AFF3: variants seen among roughly 807,000 people sequenced by gnomAD.
AFF3 encodes the protein AF4/FMR2 family member 3.
Under a neutral mutation model 129.7 loss-of-function variants are expected in AFF3, and 32 were observed. The observed-to-expected ratio is 0.25, with a 90% CI of 0.19 to 0.33. The LOEUF (loss-of-function observed/expected upper bound fraction) is 0.33, where lower values mean the gene tolerates loss of function less well. Ranked by LOEUF, AFF3 falls within the 10% of genes least tolerant of loss-of-function variation. The pLI, the probability that AFF3 is intolerant of heterozygous loss-of-function variation, is 1.00. For missense variants in AFF3, 1,373 were observed against 1,592.0 expected, an observed-to-expected ratio of 0.86 and a Z score of 2.34; for synonymous variants, 644 against 635.4, an observed-to-expected ratio of 1.01 and a Z score of -0.20.
intron 9 of AFF3, among the ~76,000 whole-genome samples, chr2:99,749,169 A>G (rs1270551996): frequency 6.6e-6 from 1 of 152,228 alleles, no homozygotes; most frequent in Non-Finnish European, 1.5e-5. Flanking sequence ...AATGGTAACT[A>G]TGTGATATAT....
intron 8 of AFF3, among the ~76,000 whole-genome samples, chr2:99,813,470 T>A (rs1017680026): frequency 8.5e-5 from 13 of 152,236 alleles, no homozygotes; most frequent in African/African-American, 3.1e-4. Flanking sequence ...TTCAGGCTGA[T>A]CCTACTGAAG....
intron 16 of AFF3, among the ~76,000 whole-genome samples, chr2:99,584,405 G>A (rs1406202906): frequency 6.6e-6 from 1 of 152,216 alleles, no homozygotes; most frequent in African/African-American, 2.4e-5. Flanking sequence ...AGAGGTGGAC[G>A]TTGCAGTGAG....
chr2:99,895,738 T>C (rs1693886938), intron 7 of AFF3, among the ~76,000 whole-genome samples: 1 of 151,864 alleles, frequency 6.6e-6, no homozygotes, highest in Admixed American at 6.6e-5. Flanking sequence ...GAATAAACCA[T>C]ATTTGCACAT....
At chr2:99,656,851 C>T (rs1248336441) in intron 12 of AFF3, among the ~76,000 whole-genome samples, 1 of 152,056 alleles carries the variant, frequency 6.6e-6, no homozygotes, top group Non-Finnish European at 1.5e-5. Flanking sequence ...ATAAATGCTG[C>T]CTAGGAAGCA....
intron 7 of AFF3, among the ~76,000 whole-genome samples, chr2:99,918,071 A>T (rs1695597863): frequency 6.6e-6 from 1 of 152,158 alleles, no homozygotes; most frequent in Non-Finnish European, 1.5e-5. Flanking sequence ...GTAGTTTTCT[A>T]AGTGGAATAA....
At chr2:99,731,713 T>C (rs533198252) in intron 10 of AFF3, among the ~76,000 whole-genome samples, 1 of 152,332 alleles carries the variant, frequency 6.6e-6, no homozygotes, top group South Asian at 2.1e-4. Context: ...ATATAAATAT[T>C]AGTCACTAAA....
intron 7 of AFF3, among the ~76,000 whole-genome samples, chr2:99,849,392 C>G (rs760430536): frequency 6.6e-6 from 1 of 152,118 alleles, no homozygotes; most frequent in Non-Finnish European, 1.5e-5. Context: ...GTTGCTGGGT[C>G]CTCAAAATCA....
At chr2:99,647,305 A>G (rs975119368) in intron 13 of AFF3, among the ~76,000 whole-genome samples, 4 of 152,254 alleles carry the variant, frequency 2.6e-5, no homozygotes, top group African/African-American at 9.6e-5. Context: ...ATATGCCATG[A>G]AATACTATAC....
chr2:99,563,392 G>A (rs1439075452), intron 20 of AFF3, among the ~76,000 whole-genome samples: 1 of 151,416 alleles, frequency 6.6e-6, no homozygotes, highest in Admixed American at 6.6e-5. Context: ...GGGTTTCATC[G>A]TATTAGCCAG....
In AFF3 at chr2:99,546,060, G is replaced by C. The variant is rs1454980552; in HGVS notation, c.*5414C>G. 1 of 226,530 alleles carries C rather than the reference G, an allele frequency of 4.4e-6. No individual in the cohort carries two copies. The highest frequency in any genetic ancestry group is 2.2e-5 in the African/African-American group (1 of 44,944). The allele number at this position is 226,530 out of a possible 1,614,324, so 14.0% of individuals were successfully genotyped here. A position where few individuals can be genotyped will look rare whatever the true frequency, so the allele number is the denominator to read the frequency against. On this transcript the variant is annotated 3_prime_UTR_variant, in exon 25 of 25. Coordinates refer to ENST00000672756, the MANE Select transcript of AFF3 (RefSeq NM_001386135.1). The stretch of plus-strand genomic sequence containing the variant: ...TGGGAAAATGAGGACATAAACTCTG[G>C]TTCCAAATGGTTGGAAGTGCAGTTT...
chr2:99,563,673 G>A (rs1316741250), intron 20 of AFF3, among the ~76,000 whole-genome samples: 2 of 151,500 alleles, frequency 1.3e-5, no homozygotes, highest in Non-Finnish European at 2.9e-5. Flanking sequence ...AGCTGGATGT[G>A]GTGGTGCATG....
At chr2:99,922,313 G>C (rs561420688) in intron 7 of AFF3, among the ~76,000 whole-genome samples, 1 of 152,152 alleles carries the variant, frequency 6.6e-6, no homozygotes, top group South Asian at 2.1e-4. Flanking sequence ...CCCCAAACTA[G>C]AAATAGCCTG....
rs59646108 is a variant in AFF3 at position 99,655,213 on chromosome 2, TACACACACACACAC to T, written c.1144-5561_1144-5548del. On this transcript the variant is annotated intron_variant, in intron 12 of 24. Transcript: ENST00000672756. The stretch of plus-strand genomic sequence containing the variant: ...TAGAGGTGGGGCAGACATGAAAAGC[TACACACACACACAC>T]ACACACACACACACACACACACACA... Among the ~76,000 whole-genome samples, 388 of 130,338 alleles carry T rather than the reference TACACACACACACAC, an allele frequency of 3.0e-3. 3 individuals are homozygous for T. The highest frequency in any genetic ancestry group is 7.8e-3 in the East Asian group (33 of 4,258). 85.5% of individuals were successfully genotyped at this position (130,338 alleles called of 152,430 possible).
At chr2:100,002,252 G>A (rs927461477) in intron 7 of AFF3, among the ~76,000 whole-genome samples, 3 of 152,190 alleles carry the variant, frequency 2.0e-5, no homozygotes, top group East Asian at 1.9e-4. Flanking sequence ...CGACAGGCTG[G>A]TGCCGACTTT....
chr2:100,106,818 T>C (rs1379108589), intron 2 of AFF3: 2 of 985,378 alleles, frequency 2.0e-6, no homozygotes, highest in African/African-American at 1.7e-5. Flanking sequence ...GGAGCTCAGA[T>C]ACAGATTTGC....
At chr2:99,749,156 GA>G (rs1681416363) in intron 9 of AFF3, among the ~76,000 whole-genome samples, 1 of 152,188 alleles carries the variant, frequency 6.6e-6, no homozygotes, top group African/African-American at 2.4e-5. Flanking sequence ...AAAGAGAAAA[GA>G]AAATGGTAAC....
chr2:100,089,029 AT>A (rs1382532934), intron 4 of AFF3, among the ~76,000 whole-genome samples: 2 of 152,264 alleles, frequency 1.3e-5, no homozygotes, highest in African/African-American at 4.8e-5. Context: ...TGTTACACTT[AT>A]TTTTCTGCAG....
chr2:99,815,130 G>C (rs1055948566), intron 8 of AFF3, among the ~76,000 whole-genome samples: 1 of 62,318 alleles, frequency 1.6e-5, no homozygotes, highest in African/African-American at 8.5e-5. Flanking sequence ...CAGGGGCAGG[G>C]GAGGAAGTAG....
intron 2 of AFF3, chr2:100,107,408 G>A (rs1008254742): frequency 2.0e-6 from 2 of 985,326 alleles, no homozygotes; most frequent in South Asian, 4.7e-5. Flanking sequence ...AGCAAAAAAA[G>A]GGTTTGGACT....
Sources: allele counts gnomAD v4.1 joint callset (sites outside exome capture counted in the v4.1 genomes callset), GRCh38; gene constraint gnomAD v4.1.1; transcripts MANE v1.5; gene names NCBI Gene and HGNC (gene_info 2026-07-23, HGNC 2026-07-21).